The following LZTFL1 variants were observed in gnomAD, a reference collection of about 807,000 sequenced individuals.
LZTFL1 encodes the protein leucine zipper transcription factor-like protein 1.
LZTFL1 carries 25 observed loss-of-function variants against 45.9 expected under a neutral mutation model. That is an observed-to-expected ratio of 0.54 (90% CI 0.40 to 0.76). LZTFL1 has a LOEUF of 0.76. Among genes scored for constraint, LZTFL1 ranks in the 30% least tolerant of loss-of-function variants. The probability of loss-of-function intolerance (pLI) is 0.00; values close to 1 mark genes in which losing one functional copy is unlikely to be tolerated. For synonymous variants in LZTFL1, 93 were observed against 117.4 expected, an observed-to-expected ratio of 0.79 and a Z score of 1.35; for missense variants, 277 against 331.1, an observed-to-expected ratio of 0.84 and a Z score of 1.27.
At chr3:45,894,391 A>C (rs530897183) in intron 2 of LZTFL1, among the ~76,000 whole-genome samples, 1 of 152,094 alleles carries the variant, frequency 6.6e-6, no homozygotes, top group Non-Finnish European at 1.5e-5. Flanking sequence ...CCACCTGGTT[A>C]CTCAAAGGCC....
intron 2 of LZTFL1, among the ~76,000 whole-genome samples, chr3:45,863,364 G>A (rs1430988662): frequency 6.6e-6 from 1 of 152,170 alleles, no homozygotes; most frequent in Non-Finnish European, 1.5e-5. Flanking sequence ...ATCCAGGCAA[G>A]GACTATCAAC....
intron 2 of LZTFL1, among the ~76,000 whole-genome samples, chr3:45,891,060 G>GTA (rs1203239536): frequency 6.6e-6 from 1 of 152,224 alleles, no homozygotes; most frequent in Non-Finnish European, 1.5e-5. Flanking sequence ...CGGCTTTTCT[G>GTA]TATTTGTCAA....
In LZTFL1 at chr3:45,901,470, G is replaced by T. The variant is rs200677145; in HGVS notation, c.-215+11650C>A. Reference sequence around the variant, plus strand: ...CATTCTGGGGTTCTTCCTTCCCTTCGTGGTCATGGCTTGCTGCTATACCAT... The same window carrying T: ...CATTCTGGGGTTCTTCCTTCCCTTCTTGGTCATGGCTTGCTGCTATACCAT... On this transcript the variant is annotated intron_variant, in intron 2 of 4. Coordinates refer to the LZTFL1 transcript ENST00000472635. This position sits in a 1 kb window ranked among gnomAD's most constrained non-coding sequence, Gnocchi z 4.3. 6.2e-7 allele frequency: 1 copy of T among 1,614,120 alleles called. No individual in the cohort carries two copies. Among genetic ancestry groups the T allele is most frequent in the Non-Finnish European group, 8.5e-7 (1 of 1,180,014 alleles).
intron 3 of LZTFL1, chr3:45,834,620 CTGTT>C (rs1444975267): frequency 1.0e-5 from 2 of 192,708 alleles, no homozygotes; most frequent in African/African-American, 4.7e-5. Flanking sequence ...TATGAGGAGA[CTGTT>C]TTATTACATA....
At chr3:45,844,690 G>C (rs1701190174), upstream of LZTFL1, among the ~76,000 whole-genome samples, 1 of 152,134 alleles carries the variant, frequency 6.6e-6, no homozygotes, top group African/African-American at 2.4e-5. Flanking sequence ...AAGTAGCCAA[G>C]ACCTTATAGA....
At chr3:45,897,274 C>A (rs1479757839) in intron 2 of LZTFL1, among the ~76,000 whole-genome samples, 1 of 152,146 alleles carries the variant, frequency 6.6e-6, no homozygotes, top group Admixed American at 6.5e-5. Flanking sequence ...GTGGTCCTGA[C>A]AAATTTTATA....
intron 4 of LZTFL1, chr3:45,854,960 T>C: frequency 6.8e-7 from 1 of 1,470,316 alleles, no homozygotes; most frequent in Non-Finnish European, 9.1e-7. Flanking sequence ...ATAATTATAA[T>C]ATGTCAGATG....
intron 2 of LZTFL1, among the ~76,000 whole-genome samples, chr3:45,912,237 A>C (rs1030602964): frequency 2.6e-5 from 4 of 152,090 alleles, no homozygotes; most frequent in African/African-American, 9.7e-5. Flanking sequence ...TCTGGAGGAG[A>C]AGGTGGGTGT....
intron 2 of LZTFL1, among the ~76,000 whole-genome samples, chr3:45,911,441 A>C (rs1200098724): frequency 2.6e-5 from 4 of 152,224 alleles, no homozygotes; most frequent in African/African-American, 9.6e-5. Flanking sequence ...CAGAGTAGCT[A>C]AGTGACTTGT....
upstream of LZTFL1, chr3:45,842,252 A>G (rs1271412408): frequency 3.3e-6 from 4 of 1,196,150 alleles, no homozygotes; most frequent in African/African-American, 3.1e-5. Flanking sequence ...CGGAAGTCCC[A>G]CCTTTTTGTG....
At chr3:45,830,254 T>G (rs1328975628) in intron 7 of LZTFL1, among the ~76,000 whole-genome samples, 1 of 152,220 alleles carries the variant, frequency 6.6e-6, no homozygotes, top group East Asian at 1.9e-4. Context: ...CAAATGGTCC[T>G]GCTCACAGGA....
At chr3:45,851,377 C>G (rs1701307931) in intron 4 of LZTFL1, among the ~76,000 whole-genome samples, 1 of 151,902 alleles carries the variant, frequency 6.6e-6, no homozygotes, top group Admixed American at 6.6e-5. Context: ...CAGGCACCTG[C>G]CACCACGCCC....
At chr3:45,862,356 G>A (rs558066033) in intron 2 of LZTFL1, among the ~76,000 whole-genome samples, 2 of 152,344 alleles carry the variant, frequency 1.3e-5, no homozygotes, top group Non-Finnish European at 2.9e-5. Flanking sequence ...ACGAGGTGAG[G>A]ATCTGGGATG....
intron 8 of LZTFL1, among the ~76,000 whole-genome samples, chr3:45,827,829 A>C (rs1295492342): frequency 6.6e-6 from 1 of 152,118 alleles, no homozygotes; most frequent in Admixed American, 6.5e-5. Flanking sequence ...GTTAAATTTT[A>C]GCTCCCATAT....
rs1221023638 is a variant in LZTFL1 at position 45,828,565 on chromosome 3, G to C, written c.651C>G (p.Ala217=). The C allele has an allele frequency of 6.2e-7, 1 of 1,613,998 alleles. No homozygotes were observed. The highest frequency in any genetic ancestry group is 1.3e-5 in the African/African-American group (1 of 74,906). ...DLSNLENTVA[A]LKSEFQKTLN... is the part of the protein sequence containing the mutation. Reference sequence around the variant, plus strand: ...GTGTCTTCTGAAACTCACTCTTTAAGGCAGCGACAGTGTTTTCTAAGTTAC... The same window carrying C: ...GTGTCTTCTGAAACTCACTCTTTAACGCAGCGACAGTGTTTTCTAAGTTAC... Residue 217 remains alanine (A), a synonymous_variant, in exon 8 of 10, where the codon GCC becomes GCG. Transcript: ENST00000296135.
intron 3 of LZTFL1, among the ~76,000 whole-genome samples, chr3:45,856,514 C>T (rs1362917218): frequency 6.6e-6 from 1 of 151,992 alleles, no homozygotes; most frequent in Non-Finnish European, 1.5e-5. Context: ...GCAACCACAA[C>T]AAAAGCAAAA....
intron 2 of LZTFL1, among the ~76,000 whole-genome samples, chr3:45,881,790 C>G (rs1701865444): frequency 6.6e-6 from 1 of 152,118 alleles, no homozygotes; most frequent in Admixed American, 6.5e-5. Flanking sequence ...CACCCCCTTG[C>G]AGAAGGGAGT....
chr3:45,860,897 G>A (rs1701477366), intron 2 of LZTFL1, among the ~76,000 whole-genome samples: 1 of 152,108 alleles, frequency 6.6e-6, no homozygotes, highest in South Asian at 2.1e-4. Flanking sequence ...TGCTAGGAGA[G>A]ATTTTCTGCT....
intron 1 of LZTFL1, 91 bp downstream of exon 1, chr3:45,841,898 G>A (rs1447360964): frequency 1.3e-6 from 2 of 1,510,276 alleles, no homozygotes; most frequent in East Asian, 2.4e-5. Flanking sequence ...ACGAGGCCAC[G>A]TAATCATTCC....
Sources: allele counts gnomAD v4.1 joint callset (sites outside exome capture counted in the v4.1 genomes callset), GRCh38; gene constraint gnomAD v4.1.1; non-coding constraint Gnocchi (gnomAD v3.1); transcripts MANE v1.5; gene names NCBI Gene and HGNC (gene_info 2026-07-23, HGNC 2026-07-21).